AIM2: variants seen among roughly 807,000 people sequenced by gnomAD.
The protein encoded by AIM2 is absent in melanoma 2.
Under a neutral mutation model 27.7 loss-of-function variants are expected in AIM2, and 30 were observed. The ratio of observed to expected loss-of-function variants is 1.08; its 90% CI spans 0.81 to 1.47. AIM2 has a LOEUF of 1.47. Among genes scored for constraint, AIM2 ranks in the 40% most tolerant of loss-of-function variants. The pLI, the probability that AIM2 is intolerant of heterozygous loss-of-function variation, is 0.00. For synonymous variants in AIM2, 141 were observed against 145.3 expected, an observed-to-expected ratio of 0.97 and a Z score of 0.21; for missense variants, 358 against 411.3, an observed-to-expected ratio of 0.87 and a Z score of 1.12.
At chr1:159,062,042 A>T (rs542762773), downstream of AIM2, among the ~76,000 whole-genome samples, 1 of 152,248 alleles carries the variant, frequency 6.6e-6, no homozygotes, top group African/African-American at 2.4e-5. Context: ...AAGTATGGAT[A>T]TCTAATTGTT....
chr1:159,087,017 A>G (rs554024001), intron 1 of AIM2, among the ~76,000 whole-genome samples: 17 of 152,354 alleles, frequency 1.1e-4, no homozygotes, highest in Middle Eastern at 3.4e-3. Context: ...CACCACCTTA[A>G]AACTCCAAGT....
intron 1 of AIM2, among the ~76,000 whole-genome samples, chr1:159,096,587 T>C (rs1389114779): frequency 6.6e-6 from 1 of 152,190 alleles, no homozygotes; most frequent in Non-Finnish European, 1.5e-5. Context: ...TTTATTTCTT[T>C]GTAAGACTGC....
chr1:159,126,357 G>A (rs944540957), intron 1 of AIM2, among the ~76,000 whole-genome samples: 3 of 152,058 alleles, frequency 2.0e-5, no homozygotes, highest in African/African-American at 7.2e-5. Flanking sequence ...ATCTAAAATT[G>A]ATAGAATAGG....
chr1:159,134,215 C>T (rs1446454457), intron 1 of AIM2, among the ~76,000 whole-genome samples: 1 of 152,190 alleles, frequency 6.6e-6, no homozygotes, highest in Non-Finnish European at 1.5e-5. Flanking sequence ...ATTACCACCA[C>T]CAGCACCATT....
intron 1 of AIM2, among the ~76,000 whole-genome samples, chr1:159,082,160 A>C (rs1656792529): frequency 6.6e-6 from 1 of 152,196 alleles, no homozygotes; most frequent in Non-Finnish European, 1.5e-5. Context: ...CATTCTTGAC[A>C]ACAACACTAG....
chr1:159,139,397 G>A (rs1648069508), intron 1 of AIM2, among the ~76,000 whole-genome samples: 1 of 152,104 alleles, frequency 6.6e-6, no homozygotes, highest in African/African-American at 2.4e-5. Flanking sequence ...TTGTGTCCAG[G>A]TACCCTCCCC....
chr1:159,111,453 C>T (rs192863413), intron 1 of AIM2, among the ~76,000 whole-genome samples: 6 of 152,236 alleles, frequency 3.9e-5, no homozygotes, highest in East Asian at 3.9e-4. Context: ...TTTTACATTA[C>T]GTGGGTTTCA....
Position 159,094,491 on chromosome 1 carries a change from G to T in AIM2, c.-15-28162C>A, listed in dbSNP as rs191702894. 2.4e-4 allele frequency among the ~76,000 whole-genome samples: 36 copies of T among 152,322 alleles called. No homozygotes were observed. In the East Asian group the frequency reaches 6.4e-3, roughly 27 times the overall value. On this transcript the variant is annotated intron_variant, in intron 1 of 2. Coordinates refer to the AIM2 transcript ENST00000368129. Reference sequence around the variant, plus strand: ...GTGGGTGGATCACTTGAGGTCAGGAGTTCGAGACCAGCCTGGCCAACATGG... The same window carrying T: ...GTGGGTGGATCACTTGAGGTCAGGATTTCGAGACCAGCCTGGCCAACATGG...
At chr1:159,100,206 G>T (rs1472054277) in intron 1 of AIM2, among the ~76,000 whole-genome samples, 1 of 152,146 alleles carries the variant, frequency 6.6e-6, no homozygotes, top group East Asian at 1.9e-4. Flanking sequence ...GAAGACTTTT[G>T]CAACCCTTAG....
downstream of AIM2, among the ~76,000 whole-genome samples, chr1:159,059,397 ATCTTT>A (rs1655760223): frequency 6.6e-6 from 1 of 152,194 alleles, no homozygotes; most frequent in African/African-American, 2.4e-5. Flanking sequence ...CAGTTTTCTC[ATCTTT>A]GAGAATACTG....
intron 1 of AIM2, among the ~76,000 whole-genome samples, chr1:159,082,460 TC>T (rs1360383454): frequency 5.9e-5 from 9 of 152,296 alleles, no homozygotes; most frequent in South Asian, 2.1e-4. Context: ...AAGACTTGCT[TC>T]CTGGTTCAAA....
At chr1:159,055,268 T>C in the AIM2 span, 1 of 159,348 alleles carries the variant, frequency 6.3e-6, no homozygotes, top group East Asian at 1.8e-4. Flanking sequence ...GGATTTATAC[T>C]TTGGGTGTGA....
chr1:159,146,324 C>T (rs1557919222), intron 1 of AIM2, among the ~76,000 whole-genome samples: 2 of 152,040 alleles, frequency 1.3e-5, no homozygotes, highest in Non-Finnish European at 2.9e-5. Context: ...CTAGCTCACT[C>T]TCCCTTATCC....
In AIM2 at chr1:159,135,863, C is replaced by T. The variant is rs1183304996; in HGVS notation, c.-16+4568G>A. Among the ~76,000 whole-genome samples, 7 of 152,304 alleles carry T rather than the reference C, an allele frequency of 4.6e-5. No homozygotes were observed. In the South Asian group the frequency reaches 6.2e-4, roughly 14 times the overall value. ...TCCTGGAATACAACAGCCAAGCCCT[C>T]GTCTCCTGTCTCTTCCCAGCTCCCC... On this transcript the variant is annotated intron_variant, in intron 1 of 2. Transcript: ENST00000368129.
chr1:159,120,553 T>C (rs775895694), intron 1 of AIM2, among the ~76,000 whole-genome samples: 5 of 152,180 alleles, frequency 3.3e-5, no homozygotes, highest in Non-Finnish European at 7.3e-5. Flanking sequence ...AGTATTCTTA[T>C]TCCAGTTGAT....
intron 1 of AIM2, among the ~76,000 whole-genome samples, chr1:159,137,117 C>T (rs1648024395): frequency 6.6e-6 from 1 of 152,226 alleles, no homozygotes; most frequent in Non-Finnish European, 1.5e-5. Flanking sequence ...ATCAGTGGTG[C>T]TCACTAACAT....
intron 5 of AIM2, among the ~76,000 whole-genome samples, chr1:159,062,965 A>G (rs1655900639): frequency 6.6e-6 from 1 of 152,162 alleles, no homozygotes; most frequent in South Asian, 2.1e-4. Flanking sequence ...CCACTCTTAC[A>G]GAGATAGCAG....
intron 1 of AIM2, among the ~76,000 whole-genome samples, chr1:159,087,676 G>T (rs1020816106): frequency 1.1e-4 from 17 of 150,734 alleles, no homozygotes; most frequent in African/African-American, 3.9e-4. Flanking sequence ...GGGTTCAAGC[G>T]ATTCTCATGC....
At chr1:159,105,959 C>A (rs1235619023) in intron 1 of AIM2, among the ~76,000 whole-genome samples, 1 of 152,122 alleles carries the variant, frequency 6.6e-6, no homozygotes, top group East Asian at 1.9e-4. Flanking sequence ...CCCTTTCTGC[C>A]CGGGATCCTG....
Sources: gnomAD v4.1 joint callset for allele counts (sites outside exome capture counted in the v4.1 genomes callset) on GRCh38, gnomAD v4.1.1 for gene constraint, MANE v1.5 for transcripts, NCBI Gene and HGNC (gene_info 2026-07-23, HGNC 2026-07-21) for gene names.